Variants in PKNOX2 observed in about 807,000 individuals in gnomAD.
PKNOX2 encodes the protein PBX/knotted 1 homeobox 2.
Under a neutral mutation model 53.1 loss-of-function variants are expected in PKNOX2, and 14 were observed. The ratio of observed to expected loss-of-function variants is 0.26; its 90% CI spans 0.17 to 0.41. PKNOX2 has a LOEUF of 0.41. Ranked by LOEUF, PKNOX2 falls within the 10% of genes least tolerant of loss-of-function variation. The pLI is 1.00. For synonymous variants in PKNOX2, 257 were observed against 242.8 expected (o/e 1.06, Z -0.54); for missense variants, 496 against 602.8 (o/e 0.82, Z 1.85).
At chr11:125,237,383 C>G (rs1018658080) in intron 2 of PKNOX2, among the ~76,000 whole-genome samples, 3 of 152,314 alleles carry the variant, frequency 2.0e-5, no homozygotes, top group Admixed American at 6.5e-5. Context: ...AAATACCCCC[C>G]TTCTCCATCT....
intron 5 of PKNOX2, among the ~76,000 whole-genome samples, chr11:125,377,460 G>C (rs915542138): frequency 4.6e-5 from 7 of 152,282 alleles, no homozygotes; most frequent in African/African-American, 1.7e-4. Flanking sequence ...ACAGGAGCAG[G>C]GAATTCAGGT....
At chr11:125,273,848 C>T (rs1945981914) in intron 2 of PKNOX2, among the ~76,000 whole-genome samples, 1 of 152,166 alleles carries the variant, frequency 6.6e-6, no homozygotes, top group African/African-American at 2.4e-5. Context: ...GACTTGGATA[C>T]ATATTTGACT....
chr11:125,269,207 A>G (rs1945593094), intron 2 of PKNOX2, among the ~76,000 whole-genome samples: 1 of 152,140 alleles, frequency 6.6e-6, no homozygotes, highest in Non-Finnish European at 1.5e-5. Flanking sequence ...CTTCCTCAAA[A>G]ACCTCGATAA....
At chr11:125,411,919 C>T (rs771454868) in intron 10 of PKNOX2, 54 bp downstream of exon 10, 3 of 1,609,496 alleles carry the variant, frequency 1.9e-6, no homozygotes, top group Admixed American at 3.3e-5. Context: ...ATGAATAACC[C>T]ACCGTGTGGG....
chr11:125,315,303 G>GAAAAAAAAAAAAAAAAA (rs534448203), intron 2 of PKNOX2, among the ~76,000 whole-genome samples: 41 of 79,440 alleles, frequency 5.2e-4, no homozygotes, highest in Non-Finnish European at 7.4e-4. Context: ...TGTGAAGCAG[G>GAAAAAAAAAAAAAAAAA]AAAAAAAAAA....
chr11:125,381,297 C>A (rs184965445), intron 5 of PKNOX2, among the ~76,000 whole-genome samples: 8 of 152,156 alleles, frequency 5.3e-5, no homozygotes, highest in African/African-American at 1.9e-4. Flanking sequence ...CATGGGGAGG[C>A]TGGGGTAGGA....
At position 125,302,606 on chromosome 11, in the gene PKNOX2, A is replaced by G. The variant is rs574322920; in HGVS notation, c.-129-29213A>G. Among the ~76,000 whole-genome samples, 33 of 152,282 alleles carry G rather than the reference A, an allele frequency of 2.2e-4. 1 individual carries two copies. In the South Asian group the frequency reaches 6.4e-3, roughly 30 times the overall value. Reference sequence around the variant, plus strand: ...CCAAGGGGATTGAGTCAGGCCCTCCAGAGTATTGGGGGTGTTTAAAACAAG... The same window carrying G: ...CCAAGGGGATTGAGTCAGGCCCTCCGGAGTATTGGGGGTGTTTAAAACAAG... On this transcript the variant is annotated intron_variant, in intron 2 of 12. Coordinates refer to ENST00000298282, the MANE Select transcript of PKNOX2 (RefSeq NM_001382323.2).
At chr11:125,322,943 G>T (rs578219058) in intron 2 of PKNOX2, among the ~76,000 whole-genome samples, 2 of 152,300 alleles carry the variant, frequency 1.3e-5, no homozygotes, top group East Asian at 3.9e-4. Flanking sequence ...GCTTTGGGTT[G>T]TATACATCAT....
intron 2 of PKNOX2, among the ~76,000 whole-genome samples, chr11:125,284,262 G>A (rs1946759644): frequency 1.3e-5 from 2 of 152,136 alleles, no homozygotes; most frequent in African/African-American, 4.8e-5. Flanking sequence ...TACTCCCATG[G>A]GCTGTCCCAC....
At chr11:125,190,252 AT>A (rs1362884316) in intron 1 of PKNOX2, among the ~76,000 whole-genome samples, 1 of 152,074 alleles carries the variant, frequency 6.6e-6, no homozygotes, top group Non-Finnish European at 1.5e-5. Context: ...AAGTGTCTCA[AT>A]TTGGGCAATA....
At position 125,185,693 on chromosome 11, in the gene PKNOX2, C is replaced by T. The variant is rs545446888; in HGVS notation, c.-201+20917C>T. On this transcript the variant is annotated intron_variant, in intron 1 of 12. Transcript: ENST00000298282. ...ATTAACATGTATCAGAATTTCATTC[C>T]TCTTTATAGATGAATAATATTTCAT... Among the ~76,000 whole-genome samples, 6 of 152,098 alleles carry T rather than the reference C, an allele frequency of 3.9e-5. No individual in the cohort carries two copies. The East Asian group carries it at 9.7e-4, about 24-fold the overall frequency.
intron 2 of PKNOX2, among the ~76,000 whole-genome samples, chr11:125,309,619 C>T (rs1225583927): frequency 1.3e-5 from 2 of 152,104 alleles, no homozygotes; most frequent in African/African-American, 4.8e-5. Context: ...AACTCCTGAC[C>T]TCAGGTGATC....
intron 3 of PKNOX2, among the ~76,000 whole-genome samples, chr11:125,334,202 C>A (rs924468683): frequency 2.6e-5 from 4 of 152,220 alleles, no homozygotes; most frequent in African/African-American, 4.8e-5. Context: ...CCTAGCCCAT[C>A]TTCTTCTGAG....
At chr11:125,321,948 C>CT (rs1213318751) in intron 2 of PKNOX2, among the ~76,000 whole-genome samples, 1 of 151,528 alleles carries the variant, frequency 6.6e-6, no homozygotes, top group Non-Finnish European at 1.5e-5. Flanking sequence ...TCACTCGAGT[C>CT]TTTTTTATAA....
intron 10 of PKNOX2, among the ~76,000 whole-genome samples, chr11:125,420,315 C>T (rs1956107582): frequency 6.6e-6 from 1 of 151,238 alleles, no homozygotes; most frequent in Non-Finnish European, 1.5e-5. Context: ...ATCATGAGGT[C>T]AGGAGATCGA....
At chr11:125,401,099 G>A (rs113065525) in intron 7 of PKNOX2, among the ~76,000 whole-genome samples, 291 of 152,164 alleles carry the variant, frequency 1.9e-3, no homozygotes, top group African/African-American at 6.7e-3. Context: ...AGGGGCAAGG[G>A]GAAGCCAAAG....
At chr11:125,275,433 T>G (rs1394280856) in intron 2 of PKNOX2, among the ~76,000 whole-genome samples, 1 of 152,064 alleles carries the variant, frequency 6.6e-6, no homozygotes, top group Non-Finnish European at 1.5e-5. Context: ...ACAAAGGCAT[T>G]TGGGTCTTAC....
intron 1 of PKNOX2, among the ~76,000 whole-genome samples, chr11:125,233,747 C>A (rs1367585505): frequency 6.6e-6 from 1 of 152,238 alleles, no homozygotes; most frequent in Non-Finnish European, 1.5e-5. Context: ...TCTCACTACA[C>A]CCCATGCCTG....
chr11:125,324,505 T>C (rs1239775672), intron 2 of PKNOX2, among the ~76,000 whole-genome samples: 2 of 152,140 alleles, frequency 1.3e-5, no homozygotes, highest in African/African-American at 4.8e-5. Flanking sequence ...AGGCTTGAGA[T>C]TCCATTTAGG....
Sources: gnomAD v4.1 joint callset for allele counts (sites outside exome capture counted in the v4.1 genomes callset) on GRCh38, gnomAD v4.1.1 for gene constraint, MANE v1.5 for transcripts, NCBI Gene and HGNC (gene_info 2026-07-23, HGNC 2026-07-21) for gene names.